Variants in ZC2HC1B observed in about 807,000 individuals in gnomAD.
The protein encoded by ZC2HC1B is zinc finger C2HC-type containing 1B, also known as zinc finger C2HC domain-containing protein 1B.
ZC2HC1B carries 36 observed loss-of-function variants against 31.0 expected under a neutral mutation model. That is an observed-to-expected ratio of 1.16 (90% CI 0.89 to 1.54). The LOEUF (loss-of-function observed/expected upper bound fraction) is 1.54. Ranked by LOEUF, ZC2HC1B falls within the 40% of genes most tolerant of loss-of-function variation. The pLI is 0.00. For synonymous variants in ZC2HC1B, 73 were observed against 88.0 expected (o/e 0.83, Z 0.95); for missense variants, 260 against 268.6 (o/e 0.97, Z 0.22).
intron 6 of ZC2HC1B, among the ~76,000 whole-genome samples, chr6:143,904,892 C>G (rs1370598371): frequency 3.3e-5 from 5 of 152,102 alleles, no homozygotes; most frequent in African/African-American, 9.7e-5. Context: ...ACCATGTATA[C>G]AAGGGTTTAT....
intron 6 of ZC2HC1B, among the ~76,000 whole-genome samples, chr6:143,936,971 G>T (rs900398991): frequency 1.2e-4 from 18 of 152,070 alleles, no homozygotes; most frequent in African/African-American, 4.3e-4. Flanking sequence ...CAATTTCCTT[G>T]TTATTGCTCC....
chr6:143,884,496 C>G lies in ZC2HC1B; in HGVS notation c.90+131C>G. On this transcript the variant is annotated intron_variant, in intron 2 of 7. Coordinates refer to ENST00000237275, the MANE Select transcript of ZC2HC1B (RefSeq NM_001013623.3). This position sits in a 1 kb window ranked among gnomAD's most constrained non-coding sequence, Gnocchi z 5.1. ...GCAAGGGAAGAGGAAAAGTACATAA[C>G]CTATGGCTGGTGGGCCCAGAGAACA... is the stretch of plus-strand genomic sequence containing the variant. The G allele has an allele frequency of 1.3e-6, 1 of 785,884 alleles. No individual in the cohort carries two copies. The highest frequency in any genetic ancestry group is 1.9e-6 in the Non-Finnish European group (1 of 526,368). The allele number at this position is 785,884 out of a possible 1,614,324, so 48.7% of individuals were successfully genotyped here.
In ZC2HC1B at chr6:143,895,925, G is replaced by C. The variant is rs963724508; in HGVS notation, c.350-2627G>C. On this transcript the variant is annotated intron_variant, in intron 4 of 7. Transcript: ENST00000237275. This position sits in a 1 kb window ranked among gnomAD's most constrained non-coding sequence, Gnocchi z 4.8. ...ATTTTATGAAAACATTATTGATAGA[G>C]GAAGAGAGGTGACTCCGATTGAGCT... Among the ~76,000 whole-genome samples the C allele has an allele frequency of 6.6e-6, 1 of 152,208 alleles. No homozygotes were observed. Among genetic ancestry groups the C allele is most frequent in the African/African-American group, 2.4e-5 (1 of 41,440 alleles).
chr6:143,873,123 A>C (rs1777364004), intron 1 of ZC2HC1B, among the ~76,000 whole-genome samples: 1 of 152,254 alleles, frequency 6.6e-6, no homozygotes, highest in Non-Finnish European at 1.5e-5. Flanking sequence ...GGTATTGGGT[A>C]AATACAGCCA....
At chr6:143,935,382 G>A (rs1055061246) in intron 6 of ZC2HC1B, among the ~76,000 whole-genome samples, 1 of 152,040 alleles carries the variant, frequency 6.6e-6, no homozygotes, top group African/African-American at 2.4e-5. Context: ...GGCTGTGATG[G>A]TCAGGGCTGC....
chr6:143,917,517 A>G lies in ZC2HC1B; in HGVS notation c.598+14365A>G, dbSNP rs1408600904. Among the ~76,000 whole-genome samples, 3 of 152,222 alleles carry G rather than the reference A, an allele frequency of 2.0e-5. No individual in the cohort carries two copies. Among genetic ancestry groups the G allele is most frequent in the Admixed American group, 2.0e-4 (3 of 15,272 alleles). On this transcript the variant is annotated intron_variant, in intron 6 of 7. Coordinates refer to ENST00000237275, the MANE Select transcript of ZC2HC1B (RefSeq NM_001013623.3). The surrounding 1 kb of genome is among the most constrained non-coding windows in gnomAD (Gnocchi z 4.1). ...TGAATTTATTCCAGCTTATCTTCAT[A>G]ACATACAATAACTGCTCCTTCAGCA...
intron 6 of ZC2HC1B, among the ~76,000 whole-genome samples, chr6:143,929,029 C>T (rs1336661141): frequency 6.6e-6 from 1 of 152,070 alleles, no homozygotes; most frequent in Non-Finnish European, 1.5e-5. Flanking sequence ...ATCATTTCAT[C>T]AGCAAACAAA....
At chr6:143,910,877 C>T (rs771463466) in intron 6 of ZC2HC1B, among the ~76,000 whole-genome samples, 9 of 152,128 alleles carry the variant, frequency 5.9e-5, no homozygotes, top group African/African-American at 7.2e-5. Context: ...CTCAGCTTCC[C>T]GAGTAGCTGA....
rs1777901568 is a variant in ZC2HC1B, at chr6:143,915,065, T to G, written c.598+11913T>G. Among the ~76,000 whole-genome samples the G allele has an allele frequency of 6.6e-6, 1 of 152,210 alleles. No homozygotes were observed. On this transcript the variant is annotated intron_variant, in intron 6 of 7. Coordinates refer to ENST00000237275, the MANE Select transcript of ZC2HC1B (RefSeq NM_001013623.3). The surrounding 1 kb of genome is among the most constrained non-coding windows in gnomAD (Gnocchi z 5.2). ...ATATGCCTTACAGCTTTTTTGTTCC[T>G]CGTTTCCTGCATCACTGTTGATATG...
Position 143,907,480 on chromosome 6 carries a change from G to C in ZC2HC1B, c.598+4328G>C, listed in dbSNP as rs565097830. On this transcript the variant is annotated intron_variant, in intron 6 of 7. Transcript: ENST00000237275. Reference sequence around the variant, plus strand: ...TTTTTAATAATAGCTATTCTGATTGGTGTAAGATGGTATCTCATTGTGGTT... The same window carrying C: ...TTTTTAATAATAGCTATTCTGATTGCTGTAAGATGGTATCTCATTGTGGTT... 2.3e-3 allele frequency among the ~76,000 whole-genome samples: 355 copies of C among 152,254 alleles called. 1 individual carries two copies. Among genetic ancestry groups the C allele is most frequent in the Middle Eastern group, 0.01 (3 of 294 alleles).
intron 7 of ZC2HC1B, 144 bp downstream of exon 7, chr6:143,937,877 T>C: frequency 1.7e-6 from 1 of 588,380 alleles, no homozygotes. Flanking sequence ...TGAAACTGAC[T>C]CTGCTGTTAA....
rs1383239559 is a variant in ZC2HC1B, at chr6:143,934,936, C to T, written c.599-2713C>T. Among the ~76,000 whole-genome samples, 1 of 152,168 alleles carries T rather than the reference C, an allele frequency of 6.6e-6. No homozygotes were observed. On this transcript the variant is annotated intron_variant, in intron 6 of 7. Coordinates refer to ENST00000237275, the MANE Select transcript of ZC2HC1B (RefSeq NM_001013623.3). This position sits in a 1 kb window ranked among gnomAD's most constrained non-coding sequence, Gnocchi z 4.6. Reference sequence around the variant, plus strand: ...AATCTTTGGACCTCCAGATGGCTTGCTCAGGTGCCAGCAGTGGCGATGGTG... The same window carrying T: ...AATCTTTGGACCTCCAGATGGCTTGTTCAGGTGCCAGCAGTGGCGATGGTG...
Position 143,895,724 on chromosome 6 carries a change from TCA to T in ZC2HC1B, c.350-2827_350-2826del, listed in dbSNP as rs770969699. Reference sequence around the variant, plus strand: ...TATTTTTCTATGAGGCCTGGGACATTCAGTTACCATTTTGCATAGCTACATAG... The same window carrying T: ...TATTTTTCTATGAGGCCTGGGACATTGTTACCATTTTGCATAGCTACATAG... On this transcript the variant is annotated intron_variant, in intron 4 of 7. Transcript: ENST00000237275. The surrounding 1 kb of genome is among the most constrained non-coding windows in gnomAD (Gnocchi z 4.8). 1.3e-5 allele frequency among the ~76,000 whole-genome samples: 2 copies of T among 152,170 alleles called. No homozygotes were observed. The highest frequency in any genetic ancestry group is 2.9e-5 in the Non-Finnish European group (2 of 68,032).
chr6:143,882,334 T>TTTATATATATATATATATATATATA (rs1554237237), intron 1 of ZC2HC1B, among the ~76,000 whole-genome samples: 15 of 85,526 alleles, frequency 1.8e-4, no homozygotes, highest in African/African-American at 9.6e-4. Flanking sequence ...TTTATATTTT[T>TTTATATATATATATATATATATATA]TATATATATA....
intron 4 of ZC2HC1B, among the ~76,000 whole-genome samples, chr6:143,893,273 G>A (rs1777621040): frequency 1.3e-5 from 2 of 152,134 alleles, no homozygotes; most frequent in Non-Finnish European, 2.9e-5. Context: ...CCACTTCAGT[G>A]GCTAAAATTA....
rs1777651527 is a variant in ZC2HC1B, at chr6:143,895,229, C to T, written c.350-3323C>T. ...CCAGACTGGAGTGCAATGGCAGGAC[C>T]TCGGGTCACTGCAAACTCCGCCTCC... On this transcript the variant is annotated intron_variant, in intron 4 of 7. Transcript: ENST00000237275. This position sits in a 1 kb window ranked among gnomAD's most constrained non-coding sequence, Gnocchi z 4.8. 6.6e-6 allele frequency among the ~76,000 whole-genome samples: 1 copy of T among 152,170 alleles called. No homozygotes were observed. Among genetic ancestry groups the T allele is most frequent in the Non-Finnish European group, 1.5e-5 (1 of 68,038 alleles).
chr6:143,873,434 G>A (rs1777367902), intron 1 of ZC2HC1B, among the ~76,000 whole-genome samples: 1 of 152,234 alleles, frequency 6.6e-6, no homozygotes, highest in South Asian at 2.1e-4. Flanking sequence ...CTGGAGGACA[G>A]TGGCCCTCTT....
chr6:143,875,805 C>T (rs1412236394), intron 1 of ZC2HC1B, among the ~76,000 whole-genome samples: 2 of 150,548 alleles, frequency 1.3e-5, no homozygotes, highest in Non-Finnish European at 3.0e-5. Flanking sequence ...GAGGCCATCA[C>T]TGTTGCCTCA....
At chr6:143,926,022 T>TAGTC (rs1778037163) in intron 6 of ZC2HC1B, among the ~76,000 whole-genome samples, 1 of 152,216 alleles carries the variant, frequency 6.6e-6, no homozygotes, top group African/African-American at 2.4e-5. Context: ...TTTTCTTGGT[T>TAGTC]AGTCTAGCTA....
Sources: allele counts gnomAD v4.1 joint callset (sites outside exome capture counted in the v4.1 genomes callset), GRCh38; gene constraint gnomAD v4.1.1; non-coding constraint Gnocchi (gnomAD v3.1); transcripts MANE v1.5; gene names NCBI Gene and HGNC (gene_info 2026-07-23, HGNC 2026-07-21).